The following FAM135A variants were observed in gnomAD, a reference collection of about 807,000 sequenced individuals.
FAM135A encodes the protein family with sequence similarity 135 member A.
In FAM135A, 79 loss-of-function variants were observed where a neutral mutation model predicts 146.8. The ratio of observed to expected loss-of-function variants is 0.54; its 90% confidence interval spans 0.45 to 0.65. The LOEUF (loss-of-function observed/expected upper bound fraction) is 0.65. FAM135A is among the 30% of genes least tolerant of loss of function. FAM135A has a pLI of 0.00. For missense variants in FAM135A, 1,623 were observed against 1,758.2 expected (o/e 0.92, Z 1.38); for synonymous variants, 562 against 603.6 (o/e 0.93, Z 1.01).
chr6:70,466,980 G>A (rs1436318693), intron 5 of FAM135A, among the ~76,000 whole-genome samples: 2 of 152,116 alleles, frequency 1.3e-5, no homozygotes, highest in Non-Finnish European at 2.9e-5. Context: ...ATCTTCCTAG[G>A]CATTCCCTTT....
intron 4 of FAM135A, among the ~76,000 whole-genome samples, chr6:70,439,679 A>G (rs530231277): frequency 2.6e-4 from 39 of 152,128 alleles, no homozygotes; most frequent in South Asian, 8.3e-4. Flanking sequence ...TTGCTCTCCT[A>G]TACTCTTTTG....
intron 4 of FAM135A, among the ~76,000 whole-genome samples, chr6:70,439,303 G>A (rs1773922139): frequency 1.3e-5 from 2 of 152,180 alleles, no homozygotes; most frequent in South Asian, 2.1e-4. Context: ...TATCACCTGA[G>A]TGTAAGGGGA....
intron 11 of FAM135A, among the ~76,000 whole-genome samples, chr6:70,492,883 G>A (rs1192031858): frequency 1.3e-5 from 2 of 151,938 alleles, no homozygotes; most frequent in East Asian, 3.9e-4. Context: ...TGTTGGTGAT[G>A]GTATAAATTG....
chr6:70,424,725 G>A (rs186219359), intron 2 of FAM135A, among the ~76,000 whole-genome samples: 1 of 152,284 alleles, frequency 6.6e-6, no homozygotes, highest in Admixed American at 6.5e-5. Context: ...TCTTGCTTGA[G>A]TAAACATGGC....
chr6:70,550,044 G>A (rs1799536052), intron 20 of FAM135A, among the ~76,000 whole-genome samples: 1 of 152,138 alleles, frequency 6.6e-6, no homozygotes, highest in African/African-American at 2.4e-5. Flanking sequence ...ATTCAAGTTT[G>A]ATCATGAGAT....
intron 4 of FAM135A, among the ~76,000 whole-genome samples, chr6:70,431,931 TTAATGTG>T (rs545207969): frequency 2.8e-3 from 420 of 152,110 alleles, no homozygotes; most frequent in African/African-American, 9.4e-3. Flanking sequence ...ATAAAATATT[TTAATGTG>T]TAATATAAAC....
chr6:70,500,534 G>C (rs968207285), intron 11 of FAM135A, among the ~76,000 whole-genome samples: 1 of 152,200 alleles, frequency 6.6e-6, no homozygotes, highest in Non-Finnish European at 1.5e-5. Context: ...CTGGAGAGGA[G>C]TTGCAATCAT....
At chr6:70,521,942 G>A (rs1793678881) in intron 12 of FAM135A, among the ~76,000 whole-genome samples, 1 of 152,070 alleles carries the variant, frequency 6.6e-6, no homozygotes, top group South Asian at 2.1e-4. Context: ...TGAGACAGGA[G>A]TTTCACTCTT....
At chr6:70,444,171 A>G (rs9446252) in intron 4 of FAM135A, among the ~76,000 whole-genome samples, 40,873 of 151,962 alleles carry the variant, frequency 0.27, 7,064 homozygotes, top group African/African-American at 0.49. Context: ...TTGGGAGGGA[A>G]GCAGGCACAT....
intron 5 of FAM135A, among the ~76,000 whole-genome samples, chr6:70,457,399 C>T (rs1360508463): frequency 6.6e-6 from 1 of 152,202 alleles, no homozygotes; most frequent in Non-Finnish European, 1.5e-5. Flanking sequence ...TATTAGGTTA[C>T]ACCTAATCTG....
chr6:70,449,456 A>G (rs1268065239), intron 4 of FAM135A, among the ~76,000 whole-genome samples: 2 of 152,166 alleles, frequency 1.3e-5, no homozygotes, highest in Non-Finnish European at 2.9e-5. Context: ...CTCTGCTTCT[A>G]TGAGTTCAAG....
chr6:70,522,449 T>G, intron 12 of FAM135A, 64 bp from the exon 13 acceptor site: 1 of 1,439,020 alleles, frequency 6.9e-7, no homozygotes. Context: ...CTCCTTACCA[T>G]AAGATGCCGG....
intron 21 of FAM135A, chr6:70,557,474 A>C (rs1186886901): frequency 6.6e-6 from 1 of 152,256 alleles, no homozygotes; most frequent in Non-Finnish European, 1.5e-5. Flanking sequence ...CAGGTAGATC[A>C]CCTGAGGTCA....
chr6:70,448,333 C>T (rs1367957227), intron 4 of FAM135A, among the ~76,000 whole-genome samples: 1 of 152,148 alleles, frequency 6.6e-6, no homozygotes, highest in African/African-American at 2.4e-5. Flanking sequence ...TTGTACTCTC[C>T]TTCCTCCTCA....
chr6:70,499,818 G>A (rs1263485173), intron 11 of FAM135A, among the ~76,000 whole-genome samples: 1 of 152,132 alleles, frequency 6.6e-6, no homozygotes, highest in African/African-American at 2.4e-5. Flanking sequence ...CTCTCTTCTG[G>A]CTTGTAGGAT....
chr6:70,528,074 C>T (rs967528610), intron 15 of FAM135A, among the ~76,000 whole-genome samples: 3 of 152,126 alleles, frequency 2.0e-5, no homozygotes, highest in Non-Finnish European at 4.4e-5. Context: ...CAAGTGATTT[C>T]AGGTTTAAAG....
intron 4 of FAM135A, among the ~76,000 whole-genome samples, chr6:70,428,985 G>C (rs977384239): frequency 6.6e-6 from 1 of 152,056 alleles, no homozygotes; most frequent in Non-Finnish European, 1.5e-5. Context: ...ACTTCTTGGC[G>C]TTTTGGCTAA....
chr6:70,537,995 A>G (rs961125157), intron 19 of FAM135A, among the ~76,000 whole-genome samples: 31 of 152,212 alleles, frequency 2.0e-4, no homozygotes, highest in African/African-American at 7.2e-4. Flanking sequence ...ATATATTGAA[A>G]GGTATAATTT....
At chr6:70,517,832 A>G (rs1582702742) in intron 12 of FAM135A, among the ~76,000 whole-genome samples, 1 of 152,252 alleles carries the variant, frequency 6.6e-6, no homozygotes, top group South Asian at 2.1e-4. Flanking sequence ...TATGACAGTG[A>G]ACTTAATACA....
Sources: allele counts gnomAD v4.1 joint callset (sites outside exome capture counted in the v4.1 genomes callset), GRCh38; gene constraint gnomAD v4.1.1; transcripts MANE v1.5; gene names NCBI Gene and HGNC (gene_info 2026-07-23, HGNC 2026-07-21).